The following CFAP298 variants were observed in gnomAD, a reference collection of about 807,000 sequenced individuals.
CFAP298 encodes the protein cilia- and flagella-associated protein 298.
A neutral mutation model predicts 41.0 loss-of-function variants in CFAP298; 38 were observed. That is an observed-to-expected ratio of 0.93 (90% CI 0.72 to 1.22). CFAP298 has a LOEUF of 1.22. CFAP298 is among the 50% of genes most tolerant of loss of function. The pLI is 0.00. For synonymous variants in CFAP298, 137 were observed against 135.3 expected (o/e 1.01, Z -0.09); for missense variants, 348 against 360.3 (o/e 0.97, Z 0.28).
At chr21:32,602,116 C>CA in intron 6 of CFAP298, 143 bp from the exon 7 acceptor site, 2 of 867,238 alleles carry the variant, frequency 2.3e-6, no homozygotes, top group Non-Finnish European at 3.7e-6. Flanking sequence ...CACCAGGGGA[C>CA]ACCTGGCAGG....
chr21:32,603,635 G>A (rs2038803005), intron 4 of CFAP298, among the ~76,000 whole-genome samples: 1 of 152,328 alleles, frequency 6.6e-6, no homozygotes, highest in South Asian at 2.1e-4. Flanking sequence ...TAAAGGGGCT[G>A]CCTGTTTACT....
At chr21:32,606,772 C>G (rs2038875360) in intron 3 of CFAP298, among the ~76,000 whole-genome samples, 1 of 152,214 alleles carries the variant, frequency 6.6e-6, no homozygotes, top group Non-Finnish European at 1.5e-5. Context: ...AGAGCGGTAG[C>G]AACTAATATC....
At chr21:32,611,399 T>A (rs1466030476) in intron 1 of CFAP298, among the ~76,000 whole-genome samples, 1 of 146,060 alleles carries the variant, frequency 6.8e-6, no homozygotes, top group Admixed American at 6.9e-5. Flanking sequence ...ATACTATATA[T>A]ATGGTATTTA....
At chr21:32,604,638 C>G (rs2038828511) in intron 3 of CFAP298, 1 of 242,256 alleles carries the variant, frequency 4.1e-6, no homozygotes. Flanking sequence ...TGAAAAGGTA[C>G]AGATGGCAGC....
At chr21:32,610,072 A>C (rs1178981664) in intron 1 of CFAP298, 67 bp from the exon 2 acceptor site, 4 of 1,418,460 alleles carry the variant, frequency 2.8e-6, no homozygotes, top group East Asian at 2.3e-5. Flanking sequence ...TGTAAGCTCC[A>C]AAGAGTCAGG....
chr21:32,602,513 C>T (rs529675973), intron 5 of CFAP298, 146 bp from the exon 6 acceptor site: 1 of 1,441,960 alleles, frequency 6.9e-7, no homozygotes, highest in South Asian at 1.5e-5. Context: ...AGTGAAGCAT[C>T]AAGGGAAGCC....
Position 32,609,969 on chromosome 21 carries a change from G to A in CFAP298, c.176C>T (p.Pro59Leu). Residue 59 changes from proline to leucine, a missense_variant, in exon 2 of 7, where the codon CCT becomes CTT. By Grantham distance (98) the Pro-to-Leu change is moderately conservative (BLOSUM62 -3). Coordinates refer to ENST00000290155, the MANE Select transcript of CFAP298 (RefSeq NM_021254.4). Reference protein sequence around the residue: ...EELAEHGIFLPPNMQGLTDDQ... With the variant: ...EELAEHGIFLLPNMQGLTDDQ... Reference sequence around the variant, plus strand: ...ATCGGTCAGTCCTTGCATATTAGGAGGGAGAAATATGCCATGTTCGGCTAA... The same window carrying A: ...ATCGGTCAGTCCTTGCATATTAGGAAGGAGAAATATGCCATGTTCGGCTAA... 6.2e-7 allele frequency: 1 copy of A among 1,613,356 alleles called. No homozygotes were observed. Among genetic ancestry groups the A allele is most frequent in the South Asian group, 1.1e-5 (1 of 91,000 alleles).
chr21:32,603,282 T>C lies in CFAP298; in HGVS notation c.545A>G (p.Asn182Ser), dbSNP rs775695128. 5 of 1,614,050 alleles carry C rather than the reference T, an allele frequency of 3.1e-6. No individual in the cohort carries two copies. The highest frequency in any genetic ancestry group is 4.2e-6 in the Non-Finnish European group (5 of 1,180,042). Residue 182 changes from asparagine to serine, a missense_variant, in exon 5 of 7, where the codon AAC (asparagine) becomes AGC (serine). By Grantham distance (46) the Asn-to-Ser change is conservative. Coordinates refer to ENST00000290155, the MANE Select transcript of CFAP298 (RefSeq NM_021254.4). ...CTGCGCCTCTGCCTCTTTAATGACG[T>C]TGAGCCCTGCCTGGGGCCAGTCGTA... Reference protein sequence around the residue: ...EDLSGTQAGLNVIKEAEAQLW... With the variant: ...EDLSGTQAGLSVIKEAEAQLW...
intron 1 of CFAP298, 30 bp downstream of exon 1, chr21:32,612,075 G>A (rs1456029445): frequency 1.3e-6 from 2 of 1,535,152 alleles, no homozygotes; most frequent in Non-Finnish European, 1.8e-6. Flanking sequence ...CTCTCGATCT[G>A]TCCGGGATGG....
intron 3 of CFAP298, among the ~76,000 whole-genome samples, chr21:32,607,082 T>C (rs2038881657): frequency 6.6e-6 from 1 of 152,226 alleles, no homozygotes; most frequent in Non-Finnish European, 1.5e-5. Context: ...ATTTGTATTA[T>C]ACATATTTGT....
At chr21:32,603,019 G>C in intron 5 of CFAP298, 142 bp downstream of exon 5, 1 of 1,172,324 alleles carries the variant, frequency 8.5e-7, no homozygotes, top group Non-Finnish European at 1.2e-6. Context: ...TGCAGGAAGA[G>C]GATATTTTTA....
chr21:32,604,348 C>G (rs775598144), intron 3 of CFAP298, 65 bp from the exon 4 acceptor site: 1 of 1,575,758 alleles, frequency 6.3e-7, no homozygotes, highest in South Asian at 1.1e-5. Flanking sequence ...CGATCAAGAT[C>G]TTGTACAAGA....
In CFAP298 at chr21:32,612,314, G is replaced by A. The variant is rs11538143; in HGVS notation, c.-71C>T. On this transcript the variant is annotated 5_prime_UTR_variant, in exon 1 of 7. Coordinates refer to ENST00000290155, the MANE Select transcript of CFAP298 (RefSeq NM_021254.4). ...GTGGCCCGCGGGTCCTGCCGGCCGA[G>A]GGTCGCCGGATCGCCAGCAGCTGCG... is the stretch of plus-strand genomic sequence containing the variant. 2,826 of 1,479,302 alleles carry A rather than the reference G, an allele frequency of 1.9e-3. 33 individuals carry two copies. The highest frequency in any genetic ancestry group is 7.5e-4 in the Non-Finnish European group (835 of 1,114,660). The allele number at this position is 1,479,302 out of a possible 1,614,324, so 91.6% of individuals were successfully genotyped here.
At chr21:32,604,941 G>A (rs140681972) in intron 3 of CFAP298, among the ~76,000 whole-genome samples, 73 of 152,342 alleles carry the variant, frequency 4.8e-4, no homozygotes, top group African/African-American at 1.7e-3. Context: ...CACTTTGGGA[G>A]GCCGAGGTGG....
At chr21:32,611,910 G>C (rs2039008763) in intron 1 of CFAP298, among the ~76,000 whole-genome samples, 195 bp downstream of exon 1, 1 of 152,052 alleles carries the variant, frequency 6.6e-6, no homozygotes, top group African/African-American at 2.4e-5. Flanking sequence ...CCCAGCCCGG[G>C]GTGTCAGACA....
rs113307894 is a variant in CFAP298, at chr21:32,612,374, C to G, written c.-131G>C. 1.4e-6 allele frequency: 2 copies of G among 1,423,642 alleles called. No homozygotes were observed. The highest frequency in any genetic ancestry group is 1.5e-5 in the South Asian group (1 of 65,844). The allele number at this position is 1,423,642 out of a possible 1,614,324, so 88.2% of individuals were successfully genotyped here. Reference sequence around the variant, plus strand: ...CAGCCGCTCACAGTCCGGAATCCCACGCTCCCTAGCCCGCGGTGAGCGGGG... The same window carrying G: ...CAGCCGCTCACAGTCCGGAATCCCAGGCTCCCTAGCCCGCGGTGAGCGGGG... On this transcript the variant is annotated 5_prime_UTR_variant, in exon 1 of 7. Coordinates refer to ENST00000290155, the MANE Select transcript of CFAP298 (RefSeq NM_021254.4).
In CFAP298 at chr21:32,609,938, C is replaced by T; in HGVS notation, c.207G>A (p.Gln69=). The T allele has an allele frequency of 4.3e-6, 7 of 1,614,098 alleles. No individual in the cohort carries two copies. Among genetic ancestry groups the T allele is most frequent in the Non-Finnish European group, 5.9e-6 (7 of 1,179,952 alleles). Reference sequence around the variant, plus strand: ...CATCCTTCAATTTCAATTCTTCAATCTGATCATCGGTCAGTCCTTGCATAT... The same window carrying T: ...CATCCTTCAATTTCAATTCTTCAATTTGATCATCGGTCAGTCCTTGCATAT... The part of the protein sequence containing the change: ...PPNMQGLTDD[Q]IEELKLKDEW... The change falls in exon 2 of 7, where the codon CAG becomes CAA. Residue 69 remains glutamine (Q), a synonymous_variant. Coordinates refer to ENST00000290155, the MANE Select transcript of CFAP298 (RefSeq NM_021254.4).
At chr21:32,603,009 T>G in intron 5 of CFAP298, 152 bp downstream of exon 5, 1 of 1,123,600 alleles carries the variant, frequency 8.9e-7, no homozygotes, top group South Asian at 1.5e-5. Context: ...TTTGTTGGTG[T>G]GCAGGAAGAG....
chr21:32,602,962 C>T, intron 5 of CFAP298, 199 bp downstream of exon 5: 1 of 1,043,720 alleles, frequency 9.6e-7, no homozygotes, highest in Non-Finnish European at 1.4e-6. Flanking sequence ...AAAACAAACT[C>T]TAGATATTGG....
Sources: allele counts gnomAD v4.1 joint callset (sites outside exome capture counted in the v4.1 genomes callset), GRCh38; gene constraint gnomAD v4.1.1; transcripts MANE v1.5; gene names NCBI Gene and HGNC (gene_info 2026-07-23, HGNC 2026-07-21).